Variants in FAM110B observed in about 807,000 individuals in gnomAD.
The protein encoded by FAM110B is protein FAM110B.
A neutral mutation model predicts 20.4 loss-of-function variants in FAM110B; 6 were observed. That is an observed-to-expected ratio of 0.29 (90% confidence interval 0.16 to 0.58). FAM110B has a LOEUF of 0.58. Among genes scored for constraint, FAM110B ranks in the 20% least tolerant of loss-of-function variants. The pLI is 0.90. For missense variants in FAM110B, 434 were observed against 498.2 expected, an observed-to-expected ratio of 0.87 and a Z score of 1.23; for synonymous variants, 226 against 214.1, an observed-to-expected ratio of 1.06 and a Z score of -0.49.
At chr8:58,057,329 A>C (rs1805567694) in intron 2 of FAM110B, among the ~76,000 whole-genome samples, 1 of 152,232 alleles carries the variant, frequency 6.6e-6, no homozygotes, top group South Asian at 2.1e-4. Context: ...GAGAATTGTC[A>C]GACATGGACC....
At chr8:58,062,098 C>T (rs866104841) in intron 2 of FAM110B, among the ~76,000 whole-genome samples, 22 of 152,252 alleles carry the variant, frequency 1.4e-4, no homozygotes, top group Middle Eastern at 3.4e-3. Context: ...ACTGACACTT[C>T]TGAAATGAAA....
intron 3 of FAM110B, among the ~76,000 whole-genome samples, chr8:58,144,508 A>G (rs1001855107): frequency 2.6e-5 from 4 of 152,202 alleles, no homozygotes; most frequent in African/African-American, 7.2e-5. Context: ...GCACAGGAAA[A>G]TATTTTTATT....
rs147227519 is a variant in FAM110B at position 58,002,553 on chromosome 8, A to G, written c.-512+7747A>G. ...CTTCTGTAAGACAGTAAGTTCATCC[A>G]CAATGAAGACAGTATCTACTGGCAT... On this transcript the variant is annotated intron_variant, in intron 1 of 3. Transcript: ENST00000519262. 1.4e-3 allele frequency among the ~76,000 whole-genome samples: 217 copies of G among 152,342 alleles called. 3 individuals carry two copies. Among genetic ancestry groups the G allele is most frequent in the Middle Eastern group, 0.01 (3 of 294 alleles).
intron 1 of FAM110B, among the ~76,000 whole-genome samples, chr8:58,026,383 A>G (rs368158062): frequency 1.3e-5 from 2 of 152,006 alleles, no homozygotes; most frequent in South Asian, 4.2e-4. Flanking sequence ...TGACTAACAC[A>G]TGCCAGCCCA....
chr8:58,001,460 C>G (rs1402514486), intron 1 of FAM110B, among the ~76,000 whole-genome samples: 1 of 152,096 alleles, frequency 6.6e-6, no homozygotes, highest in Non-Finnish European at 1.5e-5. Flanking sequence ...TGGCTCTGCC[C>G]TTGCCTCAAT....
intron 1 of FAM110B, among the ~76,000 whole-genome samples, chr8:57,999,118 G>A (rs912980535): frequency 2.0e-4 from 31 of 152,158 alleles, no homozygotes; most frequent in African/African-American, 7.2e-4. Context: ...CAGTATGTTT[G>A]GTGATAAAAA....
intron 3 of FAM110B, among the ~76,000 whole-genome samples, chr8:58,117,836 T>C (rs2150624603): frequency 1.3e-5 from 2 of 152,364 alleles, no homozygotes; most frequent in South Asian, 4.1e-4. Flanking sequence ...ATTTTTGCAA[T>C]TTCTTTATTT....
chr8:58,070,571 C>A (rs992530795), intron 2 of FAM110B, among the ~76,000 whole-genome samples: 1 of 152,134 alleles, frequency 6.6e-6, no homozygotes, highest in Non-Finnish European at 1.5e-5. Flanking sequence ...TGGTATTCAC[C>A]AAGGAATAAT....
chr8:58,145,483 C>T (rs148399932), intron 3 of FAM110B, among the ~76,000 whole-genome samples: 139 of 152,180 alleles, frequency 9.1e-4, no homozygotes, highest in African/African-American at 3.2e-3. Flanking sequence ...ACGTTGCAAC[C>T]GGGGGGCATG....
chr8:58,143,342 A>G (rs899921379), intron 3 of FAM110B, among the ~76,000 whole-genome samples: 9 of 152,222 alleles, frequency 5.9e-5, no homozygotes, highest in Non-Finnish European at 1.2e-4. Context: ...GTTCACATCA[A>G]AACTATAAAC....
At position 58,146,596 on chromosome 8, in the gene FAM110B, G is replaced by A. The variant is rs1325311297; in HGVS notation, c.366G>A (p.Lys122=). 2 of 1,614,058 alleles carry A rather than the reference G, an allele frequency of 1.2e-6. No individual in the cohort carries two copies. Among genetic ancestry groups the A allele is most frequent in the South Asian group, 2.2e-5 (2 of 91,086 alleles). Residue 122 remains lysine (K), a synonymous_variant, in exon 4 of 4, where the codon AAG becomes AAA. Coordinates refer to ENST00000519262, the MANE Select transcript of FAM110B (RefSeq NM_001377989.1). ...QRENLKLEIL[K]NIINSSEGSS... ...AGAACCTGAAGCTGGAGATCCTGAA[G>A]AACATCATCAATAGCTCCGAGGGCT... is the stretch of plus-strand genomic sequence containing the variant.
At chr8:58,123,826 A>G (rs753247936) in intron 3 of FAM110B, among the ~76,000 whole-genome samples, 1 of 152,224 alleles carries the variant, frequency 6.6e-6, no homozygotes, top group Non-Finnish European at 1.5e-5. Flanking sequence ...ATTCTGAGGT[A>G]CACTTTCCCG....
At chr8:58,100,434 TG>T (rs1287045419) in intron 3 of FAM110B, among the ~76,000 whole-genome samples, 1 of 152,186 alleles carries the variant, frequency 6.6e-6, no homozygotes, top group Non-Finnish European at 1.5e-5. Context: ...TGCCACAGAC[TG>T]GGTGGTTGAG....
At chr8:58,035,314 C>T (rs1008415392) in intron 2 of FAM110B, among the ~76,000 whole-genome samples, 1 of 152,148 alleles carries the variant, frequency 6.6e-6, no homozygotes, top group African/African-American at 2.4e-5. Context: ...ACATTTGACC[C>T]TGTCATCTCA....
rs117102888 is a variant in FAM110B at position 58,112,891 on chromosome 8, G to A, written c.-324-33016G>A. ...CTGTAACAAAATACCATACCCTTGA[G>A]TAGCTTAAACTACAGACATTTATTT... On this transcript the variant is annotated intron_variant, in intron 3 of 3. Coordinates refer to ENST00000519262, the MANE Select transcript of FAM110B (RefSeq NM_001377989.1). Among the ~76,000 whole-genome samples, 3 of 152,298 alleles carry A rather than the reference G, an allele frequency of 2.0e-5. No individual in the cohort carries two copies. The East Asian group carries it at 5.8e-4, about 29-fold the overall frequency.
chr8:58,116,010 C>T (rs968909963), intron 3 of FAM110B, among the ~76,000 whole-genome samples: 2 of 152,118 alleles, frequency 1.3e-5, no homozygotes, highest in African/African-American at 4.8e-5. Flanking sequence ...CTCTGTGTAC[C>T]AGGTCCTGTT....
At chr8:58,124,341 C>T (rs1807438707) in intron 3 of FAM110B, among the ~76,000 whole-genome samples, 1 of 152,166 alleles carries the variant, frequency 6.6e-6, no homozygotes, top group South Asian at 2.1e-4. Flanking sequence ...GCACAGCAGA[C>T]CATTGCTAAG....
chr8:58,104,625 A>G (rs1308346468), intron 3 of FAM110B, among the ~76,000 whole-genome samples: 1 of 152,196 alleles, frequency 6.6e-6, no homozygotes, highest in Non-Finnish European at 1.5e-5. Context: ...TATTACTACT[A>G]TTCTTAACCT....
intron 1 of FAM110B, among the ~76,000 whole-genome samples, chr8:58,022,356 G>A (rs550745890): frequency 1.3e-5 from 2 of 152,248 alleles, no homozygotes; most frequent in East Asian, 3.9e-4. Context: ...TACAATAGTG[G>A]TTTCCAGGGG....
Sources: gnomAD v4.1 joint callset for allele counts (sites outside exome capture counted in the v4.1 genomes callset) on GRCh38, gnomAD v4.1.1 for gene constraint, MANE v1.5 for transcripts, NCBI Gene and HGNC (gene_info 2026-07-23, HGNC 2026-07-21) for gene names.